Variants in CBLB observed in about 807,000 individuals in gnomAD.
CBLB encodes E3 ubiquitin-protein ligase CBL-B.
Under a neutral mutation model 104.9 loss-of-function variants are expected in CBLB, and 31 were observed. That is an observed-to-expected ratio of 0.30 (90% CI 0.22 to 0.40). The LOEUF (loss-of-function observed/expected upper bound fraction) is 0.40. CBLB is among the 10% of genes least tolerant of loss of function. The pLI is 1.00. For missense variants in CBLB, 1,062 were observed against 1,214.6 expected, an observed-to-expected ratio of 0.87 and a Z score of 1.87; for synonymous variants, 440 against 422.6, an observed-to-expected ratio of 1.04 and a Z score of -0.51.
intron 8 of CBLB, among the ~76,000 whole-genome samples, chr3:105,735,784 A>G (rs1189897921): frequency 6.6e-6 from 1 of 152,126 alleles, no homozygotes; most frequent in Non-Finnish European, 1.5e-5. Context: ...CATCTCTACT[A>G]AAAATACAAA....
At chr3:105,741,106 T>TTG (rs1553758306) in intron 6 of CBLB, among the ~76,000 whole-genome samples, 7 of 147,620 alleles carry the variant, frequency 4.7e-5, no homozygotes, top group African/African-American at 1.8e-4. Flanking sequence ...TTTTTTTTTT[T>TTG]TTTTTTTTTT....
intron 12 of CBLB, among the ~76,000 whole-genome samples, chr3:105,701,223 C>A (rs576015817): frequency 1.8e-4 from 27 of 152,312 alleles, no homozygotes; most frequent in African/African-American, 6.5e-4. Context: ...ATAGTAGTAA[C>A]ATCCTTCAAG....
intron 11 of CBLB, 28 bp downstream of exon 11, chr3:105,703,960 A>G: frequency 1.9e-6 from 3 of 1,597,792 alleles, no homozygotes; most frequent in Non-Finnish European, 2.6e-6. Context: ...CAAAATTTTC[A>G]TCTGTGTTTC....
rs77465482 is a variant in CBLB, at chr3:105,820,293, C to T, written c.419+33121G>A. ...GCAGCTGTCAATACAGATGAAGCTGCCTTCATTCGCCCACCACTTGCTTCA... is the reference window on the plus strand; with the variant it reads ...GCAGCTGTCAATACAGATGAAGCTGTCTTCATTCGCCCACCACTTGCTTCA... On this transcript the variant is annotated intron_variant, in intron 3 of 18. Transcript: ENST00000394030. Among the ~76,000 whole-genome samples, 55 of 152,290 alleles carry T rather than the reference C, an allele frequency of 3.6e-4. No individual in the cohort carries two copies. The East Asian group carries it at 0.01, about 28-fold the overall frequency.
intron 2 of CBLB, among the ~76,000 whole-genome samples, chr3:105,859,255 AT>A (rs2091891677): frequency 6.6e-6 from 1 of 152,246 alleles, no homozygotes; most frequent in South Asian, 2.1e-4. Flanking sequence ...TGCCTATACT[AT>A]AAGACTTTCA....
chr3:105,780,750 C>T (rs1299930389), intron 3 of CBLB, among the ~76,000 whole-genome samples: 1 of 149,014 alleles, frequency 6.7e-6, no homozygotes, highest in African/African-American at 2.5e-5. Flanking sequence ...GCCAGCTCCA[C>T]CTCCCAGGTT....
At position 105,670,294 on chromosome 3, in the gene CBLB, T is replaced by C. The variant is rs146002198; in HGVS notation, c.2628A>G (p.Pro876=). 2.4e-5 allele frequency: 38 copies of C among 1,611,988 alleles called. No homozygotes were observed. In the African/African-American group the frequency reaches 4.3e-4, roughly 18 times the overall value. The change falls in exon 18 of 19, where the codon CCA becomes CCG. Residue 876 remains proline, a synonymous_variant. Coordinates refer to ENST00000394030, the MANE Select transcript of CBLB (RefSeq NM_170662.5). ...TTCTGTTAGTTTTGACATTTTCACC[T>C]GGTAACCTTCTAGCAGGAGGCAAAG... ...QVPLPPARRL[P]GENVKTNRTS...
intron 3 of CBLB, among the ~76,000 whole-genome samples, chr3:105,803,604 C>T (rs112841797): frequency 2.6e-4 from 40 of 152,234 alleles, no homozygotes; most frequent in African/African-American, 9.1e-4. Context: ...TCTCTATCCT[C>T]GAAATCTATG....
intron 4 of CBLB, among the ~76,000 whole-genome samples, 187 bp downstream of exon 4, chr3:105,776,209 A>C (rs1282133106): frequency 6.6e-6 from 1 of 152,126 alleles, no homozygotes; most frequent in Non-Finnish European, 1.5e-5. Context: ...GTGACTAAAA[A>C]ACTATTGCAT....
intron 7 of CBLB, 75 bp downstream of exon 7, chr3:105,740,419 T>A: frequency 6.7e-7 from 1 of 1,493,438 alleles, no homozygotes; most frequent in Non-Finnish European, 9.3e-7. Flanking sequence ...CTATCCATTT[T>A]CGCCATCACA....
chr3:105,712,245 T>C (rs2152808535), intron 10 of CBLB, among the ~76,000 whole-genome samples: 1 of 152,290 alleles, frequency 6.6e-6, no homozygotes, highest in East Asian at 1.9e-4. Context: ...CAAATATATG[T>C]GTGATTTTAA....
At chr3:105,682,460 G>A (rs2066429998) in intron 14 of CBLB, among the ~76,000 whole-genome samples, 2 of 152,100 alleles carry the variant, frequency 1.3e-5, no homozygotes, top group Admixed American at 1.3e-4. Context: ...AGTTTTTAAT[G>A]TGTTTGTAAA....
At chr3:105,699,030 A>G (rs2068751612) in intron 12 of CBLB, among the ~76,000 whole-genome samples, 2 of 152,022 alleles carry the variant, frequency 1.3e-5, no homozygotes, top group Admixed American at 6.6e-5. Context: ...CCCACACTCA[A>G]ACCCAAGCAC....
chr3:105,737,052 T>A, intron 8 of CBLB, 119 bp downstream of exon 8: 1 of 461,450 alleles, frequency 2.2e-6, no homozygotes, highest in Non-Finnish European at 3.9e-6. Flanking sequence ...TTAGAATTCC[T>A]TAAGTATATT....
chr3:105,862,666 T>C (rs1270617017), intron 2 of CBLB, among the ~76,000 whole-genome samples: 3 of 152,174 alleles, frequency 2.0e-5, no homozygotes, highest in Non-Finnish European at 4.4e-5. Context: ...GCCCTGAAGT[T>C]TTCCCTCCCT....
At chr3:105,780,653 G>GTTTTTTTTTTTTTTTTTTTTTTTTTTTT (rs1245925965) in intron 3 of CBLB, among the ~76,000 whole-genome samples, 1 of 84,686 alleles carries the variant, frequency 1.2e-5, no homozygotes. Flanking sequence ...TAAAAGTTTT[G>GTTTTTTTTTTTTTTTTTTTTTTTTTTTT]TTTTTTGTTT....
intron 2 of CBLB, among the ~76,000 whole-genome samples, chr3:105,854,280 C>T (rs528853497): frequency 6.6e-6 from 1 of 152,190 alleles, no homozygotes; most frequent in Non-Finnish European, 1.5e-5. Flanking sequence ...ACAGGTGCTG[C>T]CCAACCACTG....
chr3:105,799,681 C>T (rs1457329634), intron 3 of CBLB, among the ~76,000 whole-genome samples: 1 of 152,104 alleles, frequency 6.6e-6, no homozygotes, highest in African/African-American at 2.4e-5. Context: ...TTTAAACATT[C>T]TCCTAGAGAA....
Position 105,868,870 on chromosome 3 carries a change from C to T in CBLB, c.-149G>A. The T allele has an allele frequency of 9.8e-7, 1 of 1,016,084 alleles. No individual in the cohort carries two copies. Among genetic ancestry groups the T allele is most frequent in the South Asian group, 3.8e-5 (1 of 26,098 alleles). 62.9% of individuals were successfully genotyped at this position (1,016,084 alleles called of 1,614,324 possible). On this transcript the variant is annotated 5_prime_UTR_variant, in exon 1 of 19. Coordinates refer to ENST00000394030, the MANE Select transcript of CBLB (RefSeq NM_170662.5). Reference sequence around the variant, plus strand: ...CAGCTCGCTCCCGAAGAAGGAGCAACCCAGCGCGCAGGCCTCCGAGACGTG... The same window carrying T: ...CAGCTCGCTCCCGAAGAAGGAGCAATCCAGCGCGCAGGCCTCCGAGACGTG...
Sources: allele counts gnomAD v4.1 joint callset (sites outside exome capture counted in the v4.1 genomes callset), GRCh38; gene constraint gnomAD v4.1.1; transcripts MANE v1.5; gene names NCBI Gene and HGNC (gene_info 2026-07-23, HGNC 2026-07-21).